The following CD163L1 variants were observed in gnomAD, a reference collection of about 807,000 sequenced individuals.
The protein encoded by CD163L1 is scavenger receptor cysteine-rich type 1 protein M160.
A neutral mutation model predicts 165.4 loss-of-function variants in CD163L1; 124 were observed. That is an observed-to-expected ratio of 0.75 (90% CI 0.65 to 0.87). The LOEUF (loss-of-function observed/expected upper bound fraction) is 0.87, where lower values mean the gene tolerates loss of function less well. Among genes scored for constraint, CD163L1 ranks in the 40% least tolerant of loss-of-function variants. The pLI, the probability that CD163L1 is intolerant of heterozygous loss-of-function variation, is 0.00. For synonymous variants in CD163L1, 585 were observed against 662.2 expected, an observed-to-expected ratio of 0.88 and a Z score of 1.79; for missense variants, 1,525 against 1,799.9, an observed-to-expected ratio of 0.85 and a Z score of 2.76.
At chr12:7,319,651 C>T in the CD163L1 span, among the ~76,000 whole-genome samples, 7 of 151,918 alleles carry the variant, frequency 4.6e-5, no homozygotes, top group East Asian at 1.4e-3. Flanking sequence ...CCGCCACTCA[C>T]CTCCTGCTGT....
At chr12:7,421,072 T>C (rs1218199044) in intron 4 of CD163L1, among the ~76,000 whole-genome samples, 16 of 109,622 alleles carry the variant, frequency 1.5e-4, no homozygotes, top group Admixed American at 7.6e-4. Flanking sequence ...TATGTATATA[T>C]ACGTATATAT....
At chr12:7,421,215 ATG>A (rs1231467305) in intron 4 of CD163L1, among the ~76,000 whole-genome samples, 1 of 134,366 alleles carries the variant, frequency 7.4e-6, no homozygotes, top group Non-Finnish European at 1.6e-5. Flanking sequence ...GGGTATATAT[ATG>A]TGTATATATA....
rs1947839914 is a variant in CD163L1 at position 7,398,844 on chromosome 12, A to G, written c.1409-260T>C. 2.6e-5 allele frequency among the ~76,000 whole-genome samples: 4 copies of G among 152,210 alleles called. No homozygotes were observed. On this transcript the variant is annotated intron_variant, in intron 6 of 19. Coordinates refer to ENST00000313599, the MANE Select transcript of CD163L1 (RefSeq NM_174941.6). The surrounding 1 kb of genome is among the most constrained non-coding windows in gnomAD (Gnocchi z 4.5). ...GGGGAATGTTATGAAGCCTCCAAGA[A>G]TGACGGATTTGGATAAGATGAGCAA...
intron 18 of CD163L1, among the ~76,000 whole-genome samples, chr12:7,362,023 GCTGA>G: frequency 1.3e-5 from 2 of 150,758 alleles, no homozygotes; most frequent in Admixed American, 1.3e-4. Context: ...TCTTTTTCCG[GCTGA>G]CTTATTTCAC....
intron 4 of CD163L1, among the ~76,000 whole-genome samples, chr12:7,411,304 A>G (rs1393190411): frequency 6.6e-6 from 1 of 152,200 alleles, no homozygotes; most frequent in African/African-American, 2.4e-5. Flanking sequence ...ACTAAAACAA[A>G]TAACTCCAGT....
At chr12:7,402,678 C>T (rs1947938857) in intron 6 of CD163L1, among the ~76,000 whole-genome samples, 1 of 151,636 alleles carries the variant, frequency 6.6e-6, no homozygotes, top group Non-Finnish European at 1.5e-5. Context: ...CTCTGTTGCC[C>T]AGGCTGGAGT....
the CD163L1 span, chr12:7,323,701 A>T: frequency 1.4e-6 from 1 of 730,854 alleles, no homozygotes; most frequent in Non-Finnish European, 2.3e-6. Context: ...TCTGTCACCC[A>T]AGAGTACTGT....
At chr12:7,388,256 G>A (rs770628101) in intron 8 of CD163L1, among the ~76,000 whole-genome samples, 9 of 152,240 alleles carry the variant, frequency 5.9e-5, no homozygotes, top group African/African-American at 1.7e-4. Context: ...GCATCAAAAC[G>A]AAAAGGAGAC....
At chr12:7,358,995 A>C (rs1226598376) in intron 18 of CD163L1, among the ~76,000 whole-genome samples, 1 of 148,546 alleles carries the variant, frequency 6.7e-6, no homozygotes, top group Non-Finnish European at 1.5e-5. Context: ...ACAGCTGAGG[A>C]AAAAAAAATC....
intron 9 of CD163L1, 148 bp downstream of exon 9, chr12:7,378,830 C>T: frequency 2.0e-6 from 1 of 490,534 alleles, no homozygotes; most frequent in East Asian, 3.2e-5. Context: ...TATTATATAC[C>T]TGTCTTCTAG....
At chr12:7,362,440 AATTATG>A (rs1946918388) in intron 18 of CD163L1, among the ~76,000 whole-genome samples, 1 of 138,068 alleles carries the variant, frequency 7.2e-6, no homozygotes, top group Non-Finnish European at 1.5e-5. Context: ...TACCATATAT[AATTATG>A]TGTTATTACA....
intron 8 of CD163L1, among the ~76,000 whole-genome samples, chr12:7,387,917 G>C (rs1353690674): frequency 6.6e-6 from 1 of 152,032 alleles, no homozygotes; most frequent in Non-Finnish European, 1.5e-5. Context: ...GCCTGCTATT[G>C]GTATGAAACA....
At chr12:7,332,617 G>A in the CD163L1 span, among the ~76,000 whole-genome samples, 15 of 152,186 alleles carry the variant, frequency 9.9e-5, no homozygotes, top group African/African-American at 3.1e-4. Context: ...GAAGAGAGTG[G>A]GGGCCAATAT....
At chr12:7,439,821 C>A in intron 2 of CD163L1, 2 of 1,613,692 alleles carry the variant, frequency 1.2e-6, no homozygotes, top group African/African-American at 2.7e-5. Flanking sequence ...CGAACACATC[C>A]TCTCCGTCCT....
chr12:7,331,957 AG>A, the CD163L1 span, among the ~76,000 whole-genome samples: 1 of 152,252 alleles, frequency 6.6e-6, no homozygotes, highest in Non-Finnish European at 1.5e-5. Flanking sequence ...AGTTGAGAGA[AG>A]AACGCTTCAG....
intron 18 of CD163L1, among the ~76,000 whole-genome samples, chr12:7,358,788 T>C (rs1340972746): frequency 6.6e-6 from 1 of 152,114 alleles, no homozygotes; most frequent in East Asian, 1.9e-4. Context: ...GATGTTGAAA[T>C]GATCACACCA....
At chr12:7,384,120 T>C (rs750694321) in intron 8 of CD163L1, among the ~76,000 whole-genome samples, 2 of 150,148 alleles carry the variant, frequency 1.3e-5, no homozygotes, top group African/African-American at 2.5e-5. Flanking sequence ...AGAAATATCA[T>C]AAAAAAGAAA....
At chr12:7,411,248 T>C (rs1948132847) in intron 4 of CD163L1, among the ~76,000 whole-genome samples, 1 of 152,316 alleles carries the variant, frequency 6.6e-6, no homozygotes, top group South Asian at 2.1e-4. Flanking sequence ...TATGAAAAAT[T>C]TGAACATAGA....
intron 4 of CD163L1, among the ~76,000 whole-genome samples, chr12:7,421,139 G>GGA (rs1948366666): frequency 8.1e-6 from 1 of 122,958 alleles, no homozygotes; most frequent in African/African-American, 3.0e-5. Flanking sequence ...ACGTATATAT[G>GGA]TATATATGTG....
Sources: gnomAD v4.1 joint callset for allele counts (sites outside exome capture counted in the v4.1 genomes callset) on GRCh38, gnomAD v4.1.1 for gene constraint, Gnocchi (gnomAD v3.1) non-coding constraint, MANE v1.5 for transcripts, NCBI Gene and HGNC (gene_info 2026-07-23, HGNC 2026-07-21) for gene names.